Variants in CREM observed in about 807,000 individuals in gnomAD.
The protein encoded by CREM is cAMP responsive element modulator, also known as cAMP-responsive element modulator.
CREM carries 13 observed loss-of-function variants against 37.3 expected under a neutral mutation model. The observed-to-expected ratio is 0.35, with a 90% CI of 0.23 to 0.55. CREM has a LOEUF of 0.55. Among genes scored for constraint, CREM ranks in the 20% least tolerant of loss-of-function variants. The probability of loss-of-function intolerance (pLI) is 0.88; values close to 1 mark genes in which losing one functional copy is unlikely to be tolerated. For synonymous variants in CREM, 124 were observed against 120.2 expected, an observed-to-expected ratio of 1.03 and a Z score of -0.21; for missense variants, 296 against 362.3, an observed-to-expected ratio of 0.82 and a Z score of 1.49.
chr10:35,187,075 AAT>A (rs555928210), intron 5 of CREM, among the ~76,000 whole-genome samples: 11,260 of 69,704 alleles, frequency 0.16, 903 homozygotes, highest in South Asian at 0.21. Context: ...TTAATATAAT[AAT>A]ATATATAATA....
chr10:35,200,689 T>G (rs1279233308), intron 6 of CREM, among the ~76,000 whole-genome samples: 2 of 152,132 alleles, frequency 1.3e-5, no homozygotes, highest in Non-Finnish European at 2.9e-5. Flanking sequence ...TGTCAGCAGC[T>G]TACCAGAGCT....
rs139653556 is a variant in CREM, at chr10:35,207,835, A to G, written c.755+784A>G. Among the ~76,000 whole-genome samples, 1,100 of 152,194 alleles carry G rather than the reference A, an allele frequency of 7.2e-3. 14 individuals carry two copies. Among genetic ancestry groups the G allele is most frequent in the African/African-American group, 0.025 (1,037 of 41,528 alleles). ...CAAGTTACATGTTGTGTGGCATTTC[A>G]TGTAGGTTTGTGCTCTGTGTGTGTT... On this transcript the variant is annotated intron_variant, in intron 7 of 7. Coordinates refer to ENST00000685392, the MANE Select transcript of CREM (RefSeq NM_183011.2).
chr10:35,200,955 G>A (rs1439114162), intron 6 of CREM, among the ~76,000 whole-genome samples: 2 of 151,660 alleles, frequency 1.3e-5, no homozygotes, highest in Admixed American at 6.6e-5. Context: ...TACTTGGCTG[G>A]GTTTCTTATT....
At chr10:35,167,146 G>A (rs1052528864) in intron 3 of CREM, among the ~76,000 whole-genome samples, 2 of 151,948 alleles carry the variant, frequency 1.3e-5, no homozygotes, top group Non-Finnish European at 2.9e-5. Flanking sequence ...GTCTCAGTGG[G>A]GGGAAAAAAA....
chr10:35,131,542 A>C (rs888078582), intron 1 of CREM, among the ~76,000 whole-genome samples: 2 of 152,176 alleles, frequency 1.3e-5, no homozygotes, highest in Non-Finnish European at 1.5e-5. Flanking sequence ...GAATTATGAC[A>C]ACTGTATCAC....
chr10:35,184,803 AAG>A (rs2094485785), intron 5 of CREM, among the ~76,000 whole-genome samples: 1 of 148,994 alleles, frequency 6.7e-6, no homozygotes, highest in African/African-American at 2.4e-5. Context: ...AGCAAAAAGA[AAG>A]AGAAAAAAGG....
At chr10:35,195,161 C>T (rs763466302) in intron 6 of CREM, 1 of 1,612,586 alleles carries the variant, frequency 6.2e-7, no homozygotes, top group Admixed American at 1.7e-5. Context: ...GTAGAGGAAA[C>T]AAGACAGTTC....
At position 35,148,395 on chromosome 10, in the gene CREM, C is replaced by A; in HGVS notation, c.72C>A (p.Ser24=). 6.2e-7 allele frequency: 1 copy of A among 1,611,832 alleles called. No individual in the cohort carries two copies. The highest frequency in any genetic ancestry group is 1.1e-5 in the South Asian group (1 of 90,696). Residue 24 remains serine, a synonymous_variant, in exon 3 of 8, where the codon TCC becomes TCA. Transcript: ENST00000685392. ...AAATGACCATGGAAACAGTTGAATC[C>A]CAGCATGATGGAAGTATAACAGCTT... ...PRQMTMETVE[S]QHDGSITASL...
intron 3 of CREM, among the ~76,000 whole-genome samples, chr10:35,160,337 T>A (rs2093211062): frequency 6.6e-6 from 1 of 152,196 alleles, no homozygotes; most frequent in Non-Finnish European, 1.5e-5. Context: ...GATGTTGTCC[T>A]GGGTGTGCCA....
At chr10:35,149,210 TTA>T (rs1367192333) in intron 3 of CREM, among the ~76,000 whole-genome samples, 1 of 152,042 alleles carries the variant, frequency 6.6e-6, no homozygotes, top group African/African-American at 2.4e-5. Flanking sequence ...TAGGAGTGCT[TTA>T]TATATCTCCT....
At chr10:35,167,565 G>C (rs563467403) in intron 3 of CREM, 9 of 659,400 alleles carry the variant, frequency 1.4e-5, no homozygotes, top group Middle Eastern at 7.6e-4. Context: ...TAGTCCACTA[G>C]GTGCTAATCA....
Position 35,211,289 on chromosome 10 carries a change from AAT to A in CREM, c.794_795del (p.Tyr265CysfsTer5). ...CGGGAGTGTCGCAGGAAGAAGAAAG[AAT>A]ATGTCAAATGTCTTGAAAATCGTGT... is the stretch of plus-strand genomic sequence containing the variant. On this transcript the variant is annotated frameshift_variant, in exon 8 of 8. Transcript: ENST00000685392. LOFTEE classifies it high-confidence loss of function. 1 of 1,614,160 alleles carries A rather than the reference AAT, an allele frequency of 6.2e-7. No homozygotes were observed. The highest frequency in any genetic ancestry group is 8.5e-7 in the Non-Finnish European group (1 of 1,180,026).
rs1589273697 is a variant in CREM at position 35,137,764 on chromosome 10, A to G, written c.-54-18A>G. The G allele has an allele frequency of 6.6e-6, 8 of 1,211,372 alleles. No individual in the cohort carries two copies. The highest frequency in any genetic ancestry group is 2.6e-5 in the East Asian group (1 of 37,876). The allele number at this position is 1,211,372 out of a possible 1,614,324, so 75.0% of individuals were successfully genotyped here. A position where few individuals can be genotyped will look rare whatever the true frequency, so the allele number is the denominator to read the frequency against. ...AAATGTTACGATCTCCCAATTCAAC[A>G]TTATAATTTTACTGCAGGATAAATA... On this transcript the variant is annotated intron_variant, in intron 1 of 7. Coordinates refer to ENST00000685392, the MANE Select transcript of CREM (RefSeq NM_183011.2).
At chr10:35,190,149 G>A (rs1357728209) in intron 6 of CREM, among the ~76,000 whole-genome samples, 1 of 152,172 alleles carries the variant, frequency 6.6e-6, no homozygotes, top group Non-Finnish European at 1.5e-5. Context: ...AAACAACAGA[G>A]TTTTGAGAAT....
At position 35,148,052 on chromosome 10, in the gene CREM, C is replaced by T. The variant is rs562005699; in HGVS notation, c.45-316C>T. 9.2e-5 allele frequency among the ~76,000 whole-genome samples: 14 copies of T among 152,204 alleles called. No homozygotes were observed. In the East Asian group the frequency reaches 1.4e-3, roughly 15 times the overall value. On this transcript the variant is annotated intron_variant, in intron 2 of 7. Transcript: ENST00000685392. ...GGAATTTTTTGGATTTTAGAATATT[C>T]GCATATACATATGAGTTACCTTGGG...
chr10:35,157,800 A>G lies in CREM; in HGVS notation c.168+9309A>G, dbSNP rs143565152. On this transcript the variant is annotated intron_variant, in intron 3 of 7. Coordinates refer to ENST00000685392, the MANE Select transcript of CREM (RefSeq NM_183011.2). The stretch of plus-strand genomic sequence containing the variant: ...CTGTTCATAGATGACATGATCTTAC[A>G]TATGAAAACCTTTAAAAAAAGGAAC... Among the ~76,000 whole-genome samples, 52 of 152,304 alleles carry G rather than the reference A, an allele frequency of 3.4e-4. No individual in the cohort carries two copies. The East Asian group carries it at 9.4e-3, about 28-fold the overall frequency.
At chr10:35,183,323 A>G (rs968840543) in intron 5 of CREM, among the ~76,000 whole-genome samples, 9 of 152,218 alleles carry the variant, frequency 5.9e-5, no homozygotes, top group Non-Finnish European at 1.3e-4. Context: ...AGGCTCACGA[A>G]TAAGCACCAA....
rs549814125 is a variant in CREM, at chr10:35,167,303, T to C, written c.169-11586T>C. ...CAGACTTTTGAGAATCCTGTCTTAA[T>C]ACATAAATATCAAGATAGTTTTCAA... On this transcript the variant is annotated intron_variant, in intron 3 of 7. Coordinates refer to ENST00000685392, the MANE Select transcript of CREM (RefSeq NM_183011.2). Among the ~76,000 whole-genome samples, 10 of 152,372 alleles carry C rather than the reference T, an allele frequency of 6.6e-5. No individual in the cohort carries two copies. In the East Asian group the frequency reaches 1.9e-3, roughly 29 times the overall value.
At chr10:35,177,329 A>C (rs1564888159) in intron 3 of CREM, among the ~76,000 whole-genome samples, 1 of 152,172 alleles carries the variant, frequency 6.6e-6, no homozygotes, top group South Asian at 2.1e-4. Flanking sequence ...AAGAGTTTCT[A>C]ATTCTTTCTG....
Sources: gnomAD v4.1 joint callset for allele counts (sites outside exome capture counted in the v4.1 genomes callset) on GRCh38, gnomAD v4.1.1 for gene constraint, MANE v1.5 for transcripts, NCBI Gene and HGNC (gene_info 2026-07-23, HGNC 2026-07-21) for gene names.